Variants in RALYL observed in about 807,000 individuals in gnomAD.
RALYL encodes the protein RNA-binding Raly-like protein.
Under a neutral mutation model 35.1 loss-of-function variants are expected in RALYL, and 29 were observed. The ratio of observed to expected loss-of-function variants is 0.83; its 90% CI spans 0.61 to 1.13. RALYL has a LOEUF of 1.13. RALYL is among the 50% of genes most tolerant of loss of function. RALYL has a pLI of 0.00. For synonymous variants in RALYL, 120 were observed against 127.6 expected, an observed-to-expected ratio of 0.94 and a Z score of 0.40; for missense variants, 359 against 360.4, an observed-to-expected ratio of 1.00 and a Z score of 0.03.
intron 1 of RALYL, among the ~76,000 whole-genome samples, chr8:84,446,672 T>C (rs550408451): frequency 6.6e-6 from 1 of 152,202 alleles, no homozygotes; most frequent in African/African-American, 2.4e-5. Context: ...TAAGAATATG[T>C]CTGTGGGGTG....
intron 2 of RALYL, among the ~76,000 whole-genome samples, chr8:84,732,397 T>C (rs1156686228): frequency 6.6e-6 from 1 of 152,046 alleles, no homozygotes; most frequent in Non-Finnish European, 1.5e-5. Flanking sequence ...CTTTTTCCAT[T>C]GGATGAAGAA....
At chr8:84,780,283 C>A (rs1219564481) in intron 3 of RALYL, among the ~76,000 whole-genome samples, 1 of 152,152 alleles carries the variant, frequency 6.6e-6, no homozygotes, top group Admixed American at 6.5e-5. Flanking sequence ...TGACCTGCCT[C>A]CCTGGTTTAC....
intron 1 of RALYL, among the ~76,000 whole-genome samples, chr8:84,315,818 G>GAA (rs59056772): frequency 1.4e-3 from 182 of 134,744 alleles, no homozygotes; most frequent in African/African-American, 3.3e-3. Flanking sequence ...CCCACTGCCT[G>GAA]AAAAAAAAAA....
intron 2 of RALYL, among the ~76,000 whole-genome samples, chr8:84,756,164 C>G (rs947406753): frequency 7.4e-4 from 112 of 151,974 alleles, no homozygotes; most frequent in African/African-American, 2.6e-3. Flanking sequence ...TTCTCATCCC[C>G]CCCAAAAAAA....
chr8:84,469,861 G>A (rs570232828), intron 1 of RALYL, among the ~76,000 whole-genome samples: 8 of 152,224 alleles, frequency 5.3e-5, no homozygotes, highest in South Asian at 2.1e-4. Flanking sequence ...TTTTAAGCCC[G>A]TCGGAAAAGC....
At chr8:84,633,750 G>C (rs1824434948) in intron 2 of RALYL, among the ~76,000 whole-genome samples, 1 of 151,784 alleles carries the variant, frequency 6.6e-6, no homozygotes, top group Non-Finnish European at 1.5e-5. Flanking sequence ...TCTAAATTAG[G>C]AAAAATGTGT....
intron 2 of RALYL, among the ~76,000 whole-genome samples, chr8:84,599,201 T>C (rs1408913997): frequency 6.6e-6 from 1 of 152,058 alleles, no homozygotes; most frequent in Non-Finnish European, 1.5e-5. Flanking sequence ...CTCTTTATTA[T>C]CATGTATCAC....
chr8:84,239,146 G>A (rs1827288500), intron 1 of RALYL, among the ~76,000 whole-genome samples: 1 of 152,116 alleles, frequency 6.6e-6, no homozygotes, highest in Admixed American at 6.5e-5. Context: ...TGTATGGTTT[G>A]ACCATTCCAT....
intron 2 of RALYL, among the ~76,000 whole-genome samples, chr8:84,735,005 TTG>T (rs3068131): frequency 0.063 from 9,230 of 146,518 alleles, 645 homozygotes; most frequent in African/African-American, 0.18. Flanking sequence ...ATAGATATGT[TTG>T]TGTGTGTGTG....
chr8:84,711,098 A>G (rs2132470384), intron 2 of RALYL, among the ~76,000 whole-genome samples: 1 of 152,216 alleles, frequency 6.6e-6, no homozygotes, highest in South Asian at 2.1e-4. Context: ...CTGGATAGTT[A>G]CAAGTAGAAA....
intron 4 of RALYL, among the ~76,000 whole-genome samples, chr8:84,849,483 G>A (rs959479436): frequency 2.0e-5 from 3 of 152,042 alleles, no homozygotes; most frequent in Non-Finnish European, 4.4e-5. Flanking sequence ...CAGAGAGAAG[G>A]GACAACTATA....
intron 1 of RALYL, among the ~76,000 whole-genome samples, chr8:84,416,468 T>C (rs1203385862): frequency 6.6e-6 from 1 of 152,030 alleles, no homozygotes; most frequent in East Asian, 1.9e-4. Flanking sequence ...ATAGTTCCCA[T>C]ATGAAGAGAG....
At position 84,407,858 on chromosome 8, in the gene RALYL, C is replaced by T. The variant is rs192985374; in HGVS notation, c.-23-121441C>T. On this transcript the variant is annotated intron_variant, in intron 1 of 8. Coordinates refer to ENST00000521268, the MANE Select transcript of RALYL (RefSeq NM_173848.7). ...CATCATCTCAATTTTCATAGCAACC[C>T]TATTAATTAAGGAACACTCTAATTA... Among the ~76,000 whole-genome samples, 143 of 152,042 alleles carry T rather than the reference C, an allele frequency of 9.4e-4. 1 individual carries two copies. The highest frequency in any genetic ancestry group is 2.6e-3 in the African/African-American group (106 of 41,506).
At chr8:84,189,643 G>C (rs947664074) in intron 1 of RALYL, among the ~76,000 whole-genome samples, 1 of 150,582 alleles carries the variant, frequency 6.6e-6, no homozygotes, top group Non-Finnish European at 1.5e-5. Flanking sequence ...AGGGAAATTT[G>C]ACATGTAGGA....
At chr8:84,905,581 A>T (rs1179494064) in intron 8 of RALYL, among the ~76,000 whole-genome samples, 2 of 152,112 alleles carry the variant, frequency 1.3e-5, no homozygotes, top group Non-Finnish European at 2.9e-5. Flanking sequence ...TTATCTTTGT[A>T]TTCTAAGAAT....
chr8:84,865,709 T>C (rs1359442384), intron 6 of RALYL, among the ~76,000 whole-genome samples: 1 of 152,140 alleles, frequency 6.6e-6, no homozygotes, highest in African/African-American at 2.4e-5. Context: ...GAAAAATTGA[T>C]GCCCTCTGGA....
At chr8:84,822,109 C>T (rs1828665084) in intron 4 of RALYL, among the ~76,000 whole-genome samples, 1 of 152,112 alleles carries the variant, frequency 6.6e-6, no homozygotes, top group Non-Finnish European at 1.5e-5. Flanking sequence ...GACATTTCTT[C>T]CAGATACTGG....
At chr8:84,208,565 G>A (rs1818650762) in intron 1 of RALYL, among the ~76,000 whole-genome samples, 1 of 152,136 alleles carries the variant, frequency 6.6e-6, no homozygotes, top group Non-Finnish European at 1.5e-5. Flanking sequence ...GAGAAACTTG[G>A]AAGGGCCTGG....
intron 2 of RALYL, among the ~76,000 whole-genome samples, chr8:84,685,070 G>A (rs1050453742): frequency 2.6e-5 from 4 of 152,012 alleles, no homozygotes; most frequent in African/African-American, 9.7e-5. Context: ...CCTATTATGA[G>A]GATTCTACCC....
Sources: gnomAD v4.1 joint callset for allele counts (sites outside exome capture counted in the v4.1 genomes callset) on GRCh38, gnomAD v4.1.1 for gene constraint, MANE v1.5 for transcripts, NCBI Gene and HGNC (gene_info 2026-07-23, HGNC 2026-07-21) for gene names.